OTOF: variants seen among roughly 807,000 people sequenced by gnomAD.
OTOF encodes the protein fer-1-like family member 2.
A neutral mutation model predicts 236.8 loss-of-function variants in OTOF; 218 were observed. That is an observed-to-expected ratio of 0.92 (90% CI 0.82 to 1.03). OTOF has a LOEUF of 1.03. OTOF is among the 50% of genes least tolerant of loss of function. The pLI is 0.00. For synonymous variants in OTOF, 1,041 were observed against 1,072.5 expected, an observed-to-expected ratio of 0.97 and a Z score of 0.57; for missense variants, 2,590 against 2,694.4, an observed-to-expected ratio of 0.96 and a Z score of 0.86.
Position 26,465,807 on chromosome 2 carries a change from G to A in OTOF, c.4664C>T (p.Ser1555Phe), listed in dbSNP as rs781649834. ...GTCATACACAGCCACCGTCAGCATG[G>A]ATTCCATGGGGAAGGAGGCCTCGAT... is the stretch of plus-strand genomic sequence containing the variant. ...FDIEASFPME[S>F]MLTVAVYDWD... is the part of the protein sequence containing the mutation. Residue 1555 changes from serine (S) to phenylalanine (F), a missense_variant, in exon 38 of 47, where the codon TCC becomes TTC. By Grantham distance (155) the Ser-to-Phe change is radical. Around this residue, in one of 2 missense-constraint regions of OTOF, gnomAD observed 1,211 missense variants for 1,352.8 expected, o/e 0.90. Transcript: ENST00000272371. 6.2e-7 allele frequency: 1 copy of A among 1,614,254 alleles called. No homozygotes were observed. The highest frequency in any genetic ancestry group is 8.5e-7 in the Non-Finnish European group (1 of 1,180,046).
chr2:26,461,607 A>T lies in OTOF; in HGVS notation c.5533+89T>A, dbSNP rs973544066. On this transcript the variant is annotated intron_variant, in intron 43 of 46. Coordinates refer to ENST00000272371, the MANE Select transcript of OTOF (RefSeq NM_194248.3). The surrounding 1 kb of genome is among the most constrained non-coding windows in gnomAD (Gnocchi z 6.2). ...GGAAGCAATGACCCCTTGTCCCCCC[A>T]AGGCAGGGCTCTCCCTGTCCCCGCC... The T allele has an allele frequency of 3.6e-5, 57 of 1,564,036 alleles. No individual in the cohort carries two copies. The Admixed American group carries it at 9.3e-4, about 25-fold the overall frequency.
intron 18 of OTOF, among the ~76,000 whole-genome samples, chr2:26,478,801 C>T (rs780081819): frequency 7.2e-5 from 11 of 152,206 alleles, no homozygotes; most frequent in Admixed American, 7.2e-4. Context: ...CGGGTTCAAG[C>T]GATTCTCCTG....
chr2:26,477,137 T>G lies in OTOF; in HGVS notation c.2523+35A>C. 6.3e-7 allele frequency: 1 copy of G among 1,596,070 alleles called. No homozygotes were observed. The highest frequency in any genetic ancestry group is 8.5e-7 in the Non-Finnish European group (1 of 1,169,794). ...CTGAGGGGCCCCAGAGAGCCAGCCC[T>G]GGATGAGGCAAAGCCCCGACCCCTT... On this transcript the variant is annotated intron_variant, in intron 21 of 46. Coordinates refer to ENST00000272371, the MANE Select transcript of OTOF (RefSeq NM_194248.3). This position sits in a 1 kb window ranked among gnomAD's most constrained non-coding sequence, Gnocchi z 4.7.
Position 26,475,532 on chromosome 2 carries a change from A to AGGG in OTOF, c.2992-42_2992-40dup. The AGGG allele has an allele frequency of 2.5e-6, 4 of 1,597,630 alleles. No individual in the cohort carries two copies. The African/African-American group carries it at 5.4e-5, about 22-fold the overall frequency. ...TGGGGAGACAGGGGACAAGTGACAG[A>AGGG]GGGGGGGGCAGATGCACAAACAGAA... On this transcript the variant is annotated intron_variant, in intron 24 of 46. Transcript: ENST00000272371.
At chr2:26,501,957 G>T (rs974708604) in intron 7 of OTOF, 149 bp from the exon 8 acceptor site, 3 of 704,560 alleles carry the variant, frequency 4.3e-6, no homozygotes, top group East Asian at 5.3e-5. Flanking sequence ...GTGAGGATTA[G>T]TTGTCTTCAG....
intron 9 of OTOF, among the ~76,000 whole-genome samples, chr2:26,490,007 C>G (rs1005971831): frequency 1.3e-5 from 2 of 152,202 alleles, no homozygotes; most frequent in Non-Finnish European, 1.5e-5. Context: ...GTGGGACAGC[C>G]CATGCCCTTG....
chr2:26,493,304 G>A (rs1001729605), intron 9 of OTOF, among the ~76,000 whole-genome samples: 1 of 152,158 alleles, frequency 6.6e-6, no homozygotes, highest in Admixed American at 6.5e-5. Flanking sequence ...CACAGTCTGA[G>A]GACTCTCAGA....
chr2:26,510,857 C>T, intron 5 of OTOF: 1 of 549,058 alleles, frequency 1.8e-6, no homozygotes, highest in Non-Finnish European at 2.9e-6. Flanking sequence ...TCCCCGGGGG[C>T]CTCCTTGTCC....
intron 14 of OTOF, 79 bp from the exon 15 acceptor site, chr2:26,481,088 C>G (rs964252961): frequency 2.5e-5 from 26 of 1,040,564 alleles, no homozygotes; most frequent in Non-Finnish European, 3.7e-5. Context: ...TTTGGGGGTC[C>G]CTGGCCTCCA....
At chr2:26,503,645 T>C (rs1666174943) in intron 6 of OTOF, 127 bp downstream of exon 6, 1 of 815,246 alleles carries the variant, frequency 1.2e-6, no homozygotes, top group African/African-American at 1.7e-5. Flanking sequence ...CACGCATCAC[T>C]GGGTGGGGCC....
At chr2:26,510,662 C>A (rs1450563829) in intron 5 of OTOF, 2 of 1,255,288 alleles carry the variant, frequency 1.6e-6, no homozygotes, top group East Asian at 5.6e-5. Context: ...GCCTCTGTCT[C>A]CCCAGAGACG....
Position 26,473,990 on chromosome 2 carries a change from C to T in OTOF, c.3408+1G>A. The T allele has an allele frequency of 2.5e-6, 4 of 1,612,896 alleles. No homozygotes were observed. Among genetic ancestry groups the T allele is most frequent in the Non-Finnish European group, 3.4e-6 (4 of 1,179,878 alleles). Reference sequence around the variant, plus strand: ...GGAAGGGCCACACAGAGCCCTCGCACCTCCACTCGGTACTTGCTGAGCACG... The same window carrying T: ...GGAAGGGCCACACAGAGCCCTCGCATCTCCACTCGGTACTTGCTGAGCACG... On this transcript the variant is annotated splice_donor_variant, in intron 27 of 46. Transcript: ENST00000272371. LOFTEE classifies it high-confidence loss of function. This position sits in a 1 kb window ranked among gnomAD's most constrained non-coding sequence, Gnocchi z 7.2.
chr2:26,549,850 G>A (rs559498558), intron 1 of OTOF, among the ~76,000 whole-genome samples: 1 of 152,316 alleles, frequency 6.6e-6, no homozygotes, highest in East Asian at 1.9e-4. Context: ...ACTGAGGCAG[G>A]AAGGGCCTGT....
Position 26,483,636 on chromosome 2 carries a change from G to T in OTOF, c.1218C>A (p.Leu406=). The T allele has an allele frequency of 6.2e-7, 1 of 1,612,266 alleles. No homozygotes were observed. Among genetic ancestry groups the T allele is most frequent in the Non-Finnish European group, 8.5e-7 (1 of 1,179,906 alleles). The stretch of plus-strand genomic sequence containing the variant: ...GGCGTTCGGGGGGCACCCCCTCGGG[G>T]AGCAGCAAGTTCCTGCCAGCACATA... ...DEDDIEGNLL[L]PEGVPPERQW... is the part of the protein sequence containing the mutation. Residue 406 remains leucine (L), a synonymous_variant, in exon 13 of 47, where the codon CTC becomes CTA. Coordinates refer to ENST00000272371, the MANE Select transcript of OTOF (RefSeq NM_194248.3).
In OTOF at chr2:26,479,852, T is replaced by C. The variant is rs555392334; in HGVS notation, c.1913-199A>G. On this transcript the variant is annotated intron_variant, in intron 16 of 46. Coordinates refer to ENST00000272371, the MANE Select transcript of OTOF (RefSeq NM_194248.3). ...AGAGTCAGGGAGTCCTCATGACGCC[T>C]GAGTGCGAGGCCCAGCCCTGGCCCA... Among the ~76,000 whole-genome samples, 4 of 152,358 alleles carry C rather than the reference T, an allele frequency of 2.6e-5. No individual in the cohort carries two copies. In the South Asian group the frequency reaches 8.3e-4, roughly 32 times the overall value.
intron 30 of OTOF, among the ~76,000 whole-genome samples, chr2:26,471,759 C>T (rs542277931): frequency 1.4e-4 from 21 of 152,232 alleles, no homozygotes; most frequent in South Asian, 6.2e-4. Flanking sequence ...CATGTATGCA[C>T]GCATGTGCAC....
chr2:26,496,613 G>T (rs150460738), intron 8 of OTOF, among the ~76,000 whole-genome samples: 6 of 152,142 alleles, frequency 3.9e-5, no homozygotes, highest in Non-Finnish European at 8.8e-5. Flanking sequence ...CAGAGCACCA[G>T]TAATTTTTGA....
At chr2:26,551,409 AGGAGCCTGCTCCTC>A (rs1427794785) in intron 1 of OTOF, among the ~76,000 whole-genome samples, 1 of 152,216 alleles carries the variant, frequency 6.6e-6, no homozygotes, top group Non-Finnish European at 1.5e-5. Context: ...GGGGCCAACT[AGGAGCCTGCTCCTC>A]CCTCCCTTCC....
chr2:26,537,890 G>A, intron 1 of OTOF, 116 bp from the exon 2 acceptor site: 1 of 780,690 alleles, frequency 1.3e-6, no homozygotes, highest in Non-Finnish European at 2.2e-6. Context: ...CATGCAACAT[G>A]GGACCTCGTG....
Sources: allele counts gnomAD v4.1 joint callset (sites outside exome capture counted in the v4.1 genomes callset), GRCh38; gene constraint gnomAD v4.1.1; regional missense constraint gnomAD v4.1.1; non-coding constraint Gnocchi (gnomAD v3.1); transcripts MANE v1.5; gene names NCBI Gene and HGNC (gene_info 2026-07-23, HGNC 2026-07-21).